CHL1: variants seen among roughly 807,000 people sequenced by gnomAD.
CHL1 encodes the protein neural cell adhesion molecule L1-like protein.
Under a neutral mutation model 141.9 loss-of-function variants are expected in CHL1, and 96 were observed. That is an observed-to-expected ratio of 0.68 (90% CI 0.57 to 0.80). CHL1 has a LOEUF of 0.80. CHL1 is among the 30% of genes least tolerant of loss of function. The probability of loss-of-function intolerance (pLI) is 0.00; values close to 1 mark genes in which losing one functional copy is unlikely to be tolerated. For synonymous variants in CHL1, 613 were observed against 502.2 expected, an observed-to-expected ratio of 1.22 and a Z score of -2.95; for missense variants, 1,820 against 1,457.2, an observed-to-expected ratio of 1.25 and a Z score of -4.05.
At chr3:222,045 G>A (rs1301268162) in intron 1 of CHL1, among the ~76,000 whole-genome samples, 1 of 152,110 alleles carries the variant, frequency 6.6e-6, no homozygotes, top group African/African-American at 2.4e-5. Flanking sequence ...CTAAAAAGAA[G>A]TACAAAATAT....
Position 405,600 on chromosome 3 carries a change from T to C in CHL1, c.3564T>C (p.His1188=), listed in dbSNP as rs558397339. The C allele has an allele frequency of 1.6e-4, 259 of 1,613,482 alleles. 3 individuals carry two copies. In the South Asian group the frequency reaches 2.7e-3, roughly 17 times the overall value. ...DSLVEYGEGD[H]GLFSEDGSFI... ...TAGTCGAATACGGAGAGGGAGACCA[T>C]GGTCTCTTCAGTGAAGATGGATCAT... Residue 1188 remains histidine, a synonymous_variant, in exon 28 of 28, where the codon CAT becomes CAC. Transcript: ENST00000256509.
chr3:319,892 A>G (rs1260694475), intron 3 of CHL1, 25 bp downstream of exon 3: 2 of 1,295,472 alleles, frequency 1.5e-6, no homozygotes, highest in Non-Finnish European at 2.2e-6. Flanking sequence ...TTCAGTGCCT[A>G]TTAATGGAAT....
chr3:268,219 G>A (rs1695322509), intron 2 of CHL1, among the ~76,000 whole-genome samples: 3 of 152,166 alleles, frequency 2.0e-5, no homozygotes, highest in African/African-American at 4.8e-5. Flanking sequence ...TATTATGGCA[G>A]TGATGAAGAA....
At chr3:242,823 A>G (rs1692791998) in intron 1 of CHL1, among the ~76,000 whole-genome samples, 1 of 152,164 alleles carries the variant, frequency 6.6e-6, no homozygotes, top group South Asian at 2.1e-4. Context: ...CTGTGAGCAT[A>G]CAAATAAGTT....
chr3:267,840 T>C (rs1358860672), intron 2 of CHL1, among the ~76,000 whole-genome samples: 1 of 152,188 alleles, frequency 6.6e-6, no homozygotes, highest in African/African-American at 2.4e-5. Context: ...ATTTCCAAAA[T>C]ATAAAGCAAA....
intron 2 of CHL1, among the ~76,000 whole-genome samples, chr3:294,783 T>G (rs1698032553): frequency 6.6e-6 from 1 of 152,186 alleles, no homozygotes. Context: ...CCTTCAAAAC[T>G]GCGGTCGACC....
chr3:239,199 C>T (rs1036233258), intron 1 of CHL1, among the ~76,000 whole-genome samples: 4 of 152,064 alleles, frequency 2.6e-5, no homozygotes, highest in Non-Finnish European at 5.9e-5. Flanking sequence ...CCGCAGCTGC[C>T]CCTTGCTTAT....
At position 322,669 on chromosome 3, in the gene CHL1, TAA is replaced by T. The variant is rs1479763017; in HGVS notation, c.91+2803_91+2804del. On this transcript the variant is annotated intron_variant, in intron 3 of 27. Coordinates refer to ENST00000256509, the MANE Select transcript of CHL1 (RefSeq NM_006614.4). ...AAATATATATATATATATATATATATAATTATATATATATATATAAAACGAAT... is the reference window on the plus strand; with the variant it reads ...AAATATATATATATATATATATATATTTATATATATATATATAAAACGAAT... 1.2e-4 allele frequency among the ~76,000 whole-genome samples: 16 copies of T among 132,194 alleles called. 1 individual carries two copies. In the East Asian group the frequency reaches 1.9e-3, roughly 16 times the overall value. The allele number at this position is 132,194 out of a possible 152,430, so 86.7% of individuals were successfully genotyped here.
At chr3:342,133 T>C (rs1702391728) in intron 7 of CHL1, 51 bp downstream of exon 7, 1 of 1,503,438 alleles carries the variant, frequency 6.7e-7, no homozygotes, top group Admixed American at 1.8e-5. Flanking sequence ...TGCAAATGTG[T>C]CTGTAATTTC....
Position 242,407 on chromosome 3 carries a change from T to C in CHL1, c.-174-2206T>C, listed in dbSNP as rs376677696. 9.9e-4 allele frequency among the ~76,000 whole-genome samples: 138 copies of C among 139,620 alleles called. 1 individual carries two copies. The highest frequency in any genetic ancestry group is 4.2e-3 in the East Asian group (19 of 4,492). The allele number at this position is 139,620 out of a possible 152,430, so 91.6% of individuals were successfully genotyped here. A position where few individuals can be genotyped will look rare whatever the true frequency, so the allele number is the denominator to read the frequency against. ...GTCAGGAGATCGAGACCATCCTGGCTAACACGGTGAAACCCCGTCTCTACT... is the reference window on the plus strand; with the variant it reads ...GTCAGGAGATCGAGACCATCCTGGCCAACACGGTGAAACCCCGTCTCTACT... On this transcript the variant is annotated intron_variant, in intron 1 of 27. Coordinates refer to ENST00000256509, the MANE Select transcript of CHL1 (RefSeq NM_006614.4).
chr3:360,549 C>G (rs1257468981), intron 12 of CHL1, 125 bp downstream of exon 12: 4 of 953,246 alleles, frequency 4.2e-6, no homozygotes, highest in South Asian at 1.9e-5. Context: ...TACTTTTCAC[C>G]ATACATTTGA....
chr3:269,385 C>T (rs747841119), intron 2 of CHL1, among the ~76,000 whole-genome samples: 3 of 152,070 alleles, frequency 2.0e-5, no homozygotes, highest in African/African-American at 4.8e-5. Context: ...AATGAACTTC[C>T]GAATCTGTTT....
intron 1 of CHL1, among the ~76,000 whole-genome samples, chr3:206,662 C>A (rs567631460): frequency 6.6e-6 from 1 of 152,100 alleles, no homozygotes; most frequent in African/African-American, 2.4e-5. Context: ...ATCATTTGAG[C>A]CCAGGAGTTG....
intron 1 of CHL1, among the ~76,000 whole-genome samples, chr3:214,784 C>A (rs192705484): frequency 6.6e-6 from 1 of 152,156 alleles, no homozygotes; most frequent in Non-Finnish European, 1.5e-5. Flanking sequence ...AATAAGTCCT[C>A]ATGTTATGAG....
Position 377,872 on chromosome 3 carries a change from A to C in CHL1, c.1806A>C (p.Gln602His). 1 of 1,611,854 alleles carries C rather than the reference A, an allele frequency of 6.2e-7. No homozygotes were observed. The highest frequency in any genetic ancestry group is 1.1e-5 in the South Asian group (1 of 90,966). The change falls in exon 16 of 28, where the codon CAA becomes CAC. Residue 602 changes from glutamine (Q) to histidine (H), a missense_variant. Transcript: ENST00000256509. Reference sequence around the variant, plus strand: ...TATCTAATGTAACTTTAGAGGACCAAGGTATTTACTGCTGTTCAGCTCATA... The same window carrying C: ...TATCTAATGTAACTTTAGAGGACCACGGTATTTACTGCTGTTCAGCTCATA... ...LTISNVTLEDQGIYCCSAHTA... is the reference protein window; with the variant it reads ...LTISNVTLEDHGIYCCSAHTA...
intron 1 of CHL1, among the ~76,000 whole-genome samples, chr3:222,754 G>A (rs1165098612): frequency 6.6e-6 from 1 of 151,668 alleles, no homozygotes; most frequent in Non-Finnish European, 1.5e-5. Context: ...TTTTTTTGGT[G>A]GATCCATCCT....
chr3:367,004 T>A (rs3773385), intron 15 of CHL1, among the ~76,000 whole-genome samples: 3 of 152,082 alleles, frequency 2.0e-5, no homozygotes, highest in South Asian at 2.1e-4. Flanking sequence ...CAGAGAGTAC[T>A]GAGAAGTACA....
intron 2 of CHL1, among the ~76,000 whole-genome samples, chr3:284,558 G>A (rs548869161): frequency 1.3e-5 from 2 of 152,268 alleles, no homozygotes; most frequent in South Asian, 4.1e-4. Flanking sequence ...CGTGAAAACT[G>A]GTAAGACATT....
At chr3:331,963 G>C (rs1392779210) in intron 5 of CHL1, among the ~76,000 whole-genome samples, 1 of 152,158 alleles carries the variant, frequency 6.6e-6, no homozygotes. Context: ...AACAGAATAC[G>C]TATCCACTAC....
Sources: gnomAD v4.1 joint callset for allele counts (sites outside exome capture counted in the v4.1 genomes callset) on GRCh38, gnomAD v4.1.1 for gene constraint, MANE v1.5 for transcripts, NCBI Gene and HGNC (gene_info 2026-07-23, HGNC 2026-07-21) for gene names.